The following SORCS3 variants were observed in gnomAD, a reference collection of about 807,000 sequenced individuals.
SORCS3 encodes the protein VPS10 domain-containing receptor SorCS3.
SORCS3 carries 57 observed loss-of-function variants against 146.3 expected under a neutral mutation model. The ratio of observed to expected loss-of-function variants is 0.39; its 90% confidence interval spans 0.31 to 0.49. SORCS3 has a LOEUF of 0.49. Ranked by LOEUF, SORCS3 falls within the 20% of genes least tolerant of loss-of-function variation. The pLI is 0.92. For missense variants in SORCS3, 1,341 were observed against 1,575.5 expected (o/e 0.85, Z 2.52); for synonymous variants, 653 against 618.5 (o/e 1.06, Z -0.83).
chr10:105,072,188 T>TA (rs1180557045), intron 5 of SORCS3, among the ~76,000 whole-genome samples: 1 of 152,116 alleles, frequency 6.6e-6, no homozygotes, highest in East Asian at 1.9e-4. Flanking sequence ...TCTCGGACTT[T>TA]ATATAAGCGG....
At chr10:104,838,638 C>T (rs1234073385) in intron 1 of SORCS3, among the ~76,000 whole-genome samples, 2 of 152,188 alleles carry the variant, frequency 1.3e-5, no homozygotes, top group Non-Finnish European at 2.9e-5. Context: ...ACGTGTCCCA[C>T]TCCCTGCTTT....
intron 7 of SORCS3, among the ~76,000 whole-genome samples, chr10:105,118,178 A>T (rs2055906367): frequency 6.6e-6 from 1 of 152,174 alleles, no homozygotes; most frequent in Non-Finnish European, 1.5e-5. Flanking sequence ...TAATTGAATT[A>T]TGGGGGCGGT....
intron 5 of SORCS3, among the ~76,000 whole-genome samples, chr10:105,084,776 G>A (rs1038848144): frequency 6.6e-6 from 1 of 151,252 alleles, no homozygotes; most frequent in South Asian, 2.1e-4. Flanking sequence ...TGTCGCCCAG[G>A]CTGAAGTGCA....
At chr10:104,975,399 T>G (rs1054201684) in intron 3 of SORCS3, among the ~76,000 whole-genome samples, 7 of 151,796 alleles carry the variant, frequency 4.6e-5, no homozygotes, top group Non-Finnish European at 1.0e-4. Flanking sequence ...CACTGCTCAA[T>G]GAAATAAAAG....
In SORCS3 at chr10:105,157,202, T is replaced by C; in HGVS notation, c.1547T>C (p.Ile516Thr). Residue 516 changes from isoleucine (I) to threonine (T), a missense_variant, in exon 10 of 27, where the codon ATC becomes ACC. Transcript: ENST00000369701. ...GTGGACGACCAGGTGAAGACATACATCACTTACAACAAAGGCAGGGATTGG... is the reference window on the plus strand; with the variant it reads ...GTGGACGACCAGGTGAAGACATACACCACTTACAACAAAGGCAGGGATTGG... ...KKVDDQVKTY[I>T]TYNKGRDWRL... 1 of 1,614,040 alleles carries C rather than the reference T, an allele frequency of 6.2e-7. No individual in the cohort carries two copies. Among genetic ancestry groups the C allele is most frequent in the Non-Finnish European group, 8.5e-7 (1 of 1,179,950 alleles).
chr10:104,859,095 T>A (rs1460931723), intron 2 of SORCS3, among the ~76,000 whole-genome samples: 3 of 152,102 alleles, frequency 2.0e-5, no homozygotes, highest in Non-Finnish European at 4.4e-5. Context: ...ATTTACATGC[T>A]TTAGGGTGTT....
chr10:104,748,327 T>C (rs945754466), intron 1 of SORCS3, among the ~76,000 whole-genome samples: 1 of 152,216 alleles, frequency 6.6e-6, no homozygotes, highest in African/African-American at 2.4e-5. Flanking sequence ...ACAGCAGTTG[T>C]AGCAATGGAC....
intron 14 of SORCS3, among the ~76,000 whole-genome samples, chr10:105,187,841 G>T (rs2056489360): frequency 6.6e-6 from 1 of 152,198 alleles, no homozygotes; most frequent in Non-Finnish European, 1.5e-5. Flanking sequence ...AAACAAAATA[G>T]TCAGGGTCAC....
At chr10:104,972,680 G>A (rs888454453) in intron 3 of SORCS3, among the ~76,000 whole-genome samples, 5 of 151,928 alleles carry the variant, frequency 3.3e-5, no homozygotes, top group African/African-American at 9.7e-5. Context: ...ACTGTCCCAA[G>A]GACAGGAGAC....
intron 20 of SORCS3, among the ~76,000 whole-genome samples, chr10:105,241,327 C>T (rs2056821757): frequency 6.6e-6 from 1 of 152,172 alleles, no homozygotes; most frequent in Non-Finnish European, 1.5e-5. Flanking sequence ...CCATGGAGGG[C>T]CCATGGCCAG....
intron 4 of SORCS3, among the ~76,000 whole-genome samples, chr10:105,006,814 A>G (rs2055099048): frequency 6.6e-6 from 1 of 152,198 alleles, no homozygotes; most frequent in Non-Finnish European, 1.5e-5. Context: ...CATCCTATGT[A>G]AAATCTAACT....
rs71482435 is a variant in SORCS3, at chr10:104,751,924, CATATATATATATATATATATAT to C, written c.628-90844_628-90823del. ...AAAAAATGTAAATGCTAATAGGAAG[CATATATATATATATATATATAT>C]ATATATATATATATATATATATAAT... is the stretch of plus-strand genomic sequence containing the variant. On this transcript the variant is annotated intron_variant, in intron 1 of 26. Coordinates refer to ENST00000369701, the MANE Select transcript of SORCS3 (RefSeq NM_014978.3). Among the ~76,000 whole-genome samples, 123 of 38,458 alleles carry C rather than the reference CATATATATATATATATATATAT, an allele frequency of 3.2e-3. 5 individuals carry two copies. Among genetic ancestry groups the C allele is most frequent in the East Asian group, 1.0e-2 (4 of 402 alleles). The allele number at this position is 38,458 out of a possible 152,430, so 25.2% of individuals were successfully genotyped here.
chr10:104,917,507 T>C (rs922319514), intron 3 of SORCS3, among the ~76,000 whole-genome samples: 1 of 152,238 alleles, frequency 6.6e-6, no homozygotes, highest in Non-Finnish European at 1.5e-5. Flanking sequence ...ACTTAATATC[T>C]ACTCTTATCA....
chr10:104,734,989 C>A (rs1444198253), intron 1 of SORCS3, among the ~76,000 whole-genome samples: 1 of 152,060 alleles, frequency 6.6e-6, no homozygotes, highest in Non-Finnish European at 1.5e-5. Flanking sequence ...TTTAAAAAAC[C>A]ATTTTTTATT....
intron 1 of SORCS3, among the ~76,000 whole-genome samples, chr10:104,758,227 GAA>G (rs5787548): frequency 0.77 from 117,427 of 151,794 alleles, 45,604 homozygotes; most frequent in East Asian, 0.94. Flanking sequence ...GGTGTGTTTG[GAA>G]ACTGCTTTGT....
chr10:104,811,733 C>T (rs114567175), intron 1 of SORCS3, among the ~76,000 whole-genome samples: 2,149 of 152,220 alleles, frequency 0.014, 31 homozygotes, highest in African/African-American at 0.036. Context: ...TTTAGCGGAG[C>T]GGTGCAGGGC....
At chr10:104,642,017 G>A in intron 1 of SORCS3, 63 bp downstream of exon 1, 1 of 632,546 alleles carries the variant, frequency 1.6e-6, no homozygotes, top group Non-Finnish European at 2.4e-6. Context: ...TGGGGGGGTG[G>A]GTGGGAGCGA....
At chr10:104,995,803 G>A (rs2055023536) in intron 4 of SORCS3, among the ~76,000 whole-genome samples, 1 of 152,052 alleles carries the variant, frequency 6.6e-6, no homozygotes, top group African/African-American at 2.4e-5. Flanking sequence ...TATTATTTGA[G>A]TCATATCCAA....
chr10:105,072,106 G>A (rs1488637283), intron 5 of SORCS3, among the ~76,000 whole-genome samples: 3 of 152,240 alleles, frequency 2.0e-5, no homozygotes, highest in South Asian at 4.2e-4. Context: ...GCTGGAGGTT[G>A]ATATGCTATT....
Sources: gnomAD v4.1 joint callset for allele counts (sites outside exome capture counted in the v4.1 genomes callset) on GRCh38, gnomAD v4.1.1 for gene constraint, MANE v1.5 for transcripts, NCBI Gene and HGNC (gene_info 2026-07-23, HGNC 2026-07-21) for gene names.